CLDN2: variants seen among roughly 807,000 people sequenced by gnomAD.
The protein encoded by CLDN2 is claudin-2.
CLDN2 carries 1 observed loss-of-function variant against 8.2 expected under a neutral mutation model. That is an observed-to-expected ratio of 0.12 (90% CI 0.04 to 0.58). The LOEUF is 0.58. Ranked by LOEUF, CLDN2 falls within the 20% of genes least tolerant of loss-of-function variation. The pLI is 0.90. For synonymous variants in CLDN2, 70 were observed against 70.2 expected, an observed-to-expected ratio of 1.00 and a Z score of 0.01; for missense variants, 108 against 172.9, an observed-to-expected ratio of 0.62 and a Z score of 2.11.
upstream of CLDN2, among the ~76,000 whole-genome samples, chrX:106,917,833 T>G (rs1933333349): frequency 9.0e-6 from 1 of 111,553 alleles, no homozygotes. Context: ...TTTCCTGTTC[T>G]TTCAGCCCCC....
chrX:106,906,021 G>T (rs183220957), intron 1 of CLDN2, among the ~76,000 whole-genome samples: 105 of 112,172 alleles, frequency 9.4e-4, no homozygotes, highest in Non-Finnish European at 1.3e-3. Flanking sequence ...ACATGAAGCC[G>T]CTGGCTCTTC....
chrX:106,913,762 T>A (rs1487927033), upstream of CLDN2, among the ~76,000 whole-genome samples: 4 of 109,473 alleles, frequency 3.7e-5, no homozygotes, highest in Non-Finnish European at 7.6e-5. Flanking sequence ...GTTAGCAGAA[T>A]CCAGGTCCTT....
At chrX:106,908,567 CTTT>C (rs138799168) in intron 1 of CLDN2, among the ~76,000 whole-genome samples, 1 of 91,564 alleles carries the variant, frequency 1.1e-5, no homozygotes. Context: ...CTTTTCTTTT[CTTT>C]TTTTTTTTTT....
upstream of CLDN2, among the ~76,000 whole-genome samples, chrX:106,915,736 C>G (rs747873394): frequency 9.0e-6 from 1 of 110,837 alleles, no homozygotes; most frequent in African/African-American, 3.3e-5. Flanking sequence ...TCTCTCTTTC[C>G]TCCCAGACAT....
intron 1 of CLDN2, chrX:106,901,687 C>T (rs1460817974): frequency 2.0e-6 from 1 of 494,347 alleles, no homozygotes; most frequent in African/African-American, 2.4e-5. Context: ...ACCCACCCCT[C>T]AACAAGGGGT....
intron 1 of CLDN2, among the ~76,000 whole-genome samples, chrX:106,910,476 G>A (rs763764426): frequency 9.1e-6 from 1 of 109,982 alleles, no homozygotes; most frequent in Admixed American, 9.7e-5. Flanking sequence ...ATCTGCCCGA[G>A]GTGGGCAGAT....
intron 1 of CLDN2, among the ~76,000 whole-genome samples, chrX:106,925,448 G>T (rs989788164): frequency 8.9e-6 from 1 of 112,331 alleles, no homozygotes; most frequent in South Asian, 3.7e-4. Flanking sequence ...AGACCACATG[G>T]CATGATTGAA....
At chrX:106,903,479 G>T in intron 1 of CLDN2, 1 of 385,452 alleles carries the variant, frequency 2.6e-6, no homozygotes, top group Non-Finnish European at 4.4e-6. Flanking sequence ...TGGGTTACCT[G>T]GGTGTGAAAT....
chrX:106,919,965 G>T (rs779074623), upstream of CLDN2, among the ~76,000 whole-genome samples: 4 of 112,236 alleles, frequency 3.6e-5, no homozygotes, highest in Non-Finnish European at 7.5e-5. Flanking sequence ...CAACCTTAGG[G>T]GTGGGGTAGG....
At chrX:106,910,517 G>A (rs753299869) in intron 1 of CLDN2, among the ~76,000 whole-genome samples, 5 of 109,434 alleles carry the variant, frequency 4.6e-5, no homozygotes, top group Non-Finnish European at 9.5e-5. Context: ...AGACCCTCCC[G>A]GTCAACATGG....
chrX:106,924,409 A>G (rs965614222), intron 1 of CLDN2, among the ~76,000 whole-genome samples: 1 of 111,302 alleles, frequency 9.0e-6, no homozygotes, highest in African/African-American at 3.3e-5. Context: ...ATACATAGTC[A>G]TGATCAGGAC....
intron 1 of CLDN2, among the ~76,000 whole-genome samples, chrX:106,926,133 A>C (rs1189371409): frequency 8.9e-6 from 1 of 112,251 alleles, no homozygotes; most frequent in East Asian, 2.8e-4. Context: ...GCAGGAGGTA[A>C]GTAGAAGAAA....
At chrX:106,916,867 G>C (rs1933317260), upstream of CLDN2, among the ~76,000 whole-genome samples, 1 of 111,666 alleles carries the variant, frequency 9.0e-6, no homozygotes, top group Non-Finnish European at 1.9e-5. Flanking sequence ...GTGCAATATA[G>C]TGAGACCCCA....
chrX:106,922,964 C>T (rs898761868), intron 1 of CLDN2, among the ~76,000 whole-genome samples: 4 of 96,814 alleles, frequency 4.1e-5, no homozygotes, highest in African/African-American at 1.5e-4. Flanking sequence ...TACTTAAGAG[C>T]TCTGAAGATT....
At chrX:106,904,786 G>T (rs1014167488) in intron 1 of CLDN2, among the ~76,000 whole-genome samples, 1 of 111,926 alleles carries the variant, frequency 8.9e-6, no homozygotes, top group Non-Finnish European at 1.9e-5. Flanking sequence ...AGAAGAATGA[G>T]GGAAAAGTTA....
chrX:106,928,690 C>T lies in CLDN2; in HGVS notation c.462C>T (p.Asp154=), dbSNP rs140513089. 8.3e-7 allele frequency: 1 copy of T among 1,209,498 alleles called. No homozygotes were observed. Among genetic ancestry groups the T allele is most frequent in the Non-Finnish European group, 1.1e-6 (1 of 894,798 alleles). The change falls in exon 2 of 2, where the codon GAC becomes GAT. Residue 154 remains aspartate, a synonymous_variant. Transcript: ENST00000336803. ...LRDFYSPLVP[D]SMKFEIGEAL... ...ACTTCTACTCACCACTGGTGCCTGA[C>T]AGCATGAAATTTGAGATTGGAGAGG...
At chrX:106,911,803 T>C (rs954774352) in intron 1 of CLDN2, among the ~76,000 whole-genome samples, 1 of 112,326 alleles carries the variant, frequency 8.9e-6, no homozygotes, top group African/African-American at 3.2e-5. Context: ...TGGAATGATG[T>C]TGACACAGGT....
chrX:106,900,419 C>A (rs1436767158), exon 1 of CLDN2: 10 of 171,929 alleles, frequency 5.8e-5, no homozygotes, highest in Non-Finnish European at 1.1e-4. Flanking sequence ...AGCCTTCCTT[C>A]TAGAGCTCCT....
intron 1 of CLDN2, among the ~76,000 whole-genome samples, chrX:106,911,165 A>C (rs1933243453): frequency 9.0e-6 from 1 of 111,437 alleles, no homozygotes; most frequent in Non-Finnish European, 1.9e-5. Context: ...TCTGAGCCTC[A>C]ATTTCCTGGG....
Sources: gnomAD v4.1 joint callset for allele counts (sites outside exome capture counted in the v4.1 genomes callset) on GRCh38, gnomAD v4.1.1 for gene constraint, MANE v1.5 for transcripts, NCBI Gene and HGNC (gene_info 2026-07-23, HGNC 2026-07-21) for gene names.